ADGB: variants seen among roughly 807,000 people sequenced by gnomAD.
The protein encoded by ADGB is androglobin.
In ADGB, 172 loss-of-function variants were observed where a neutral mutation model predicts 210.5. The observed-to-expected ratio is 0.82, with a 90% CI of 0.72 to 0.93. The LOEUF is 0.93. Among genes scored for constraint, ADGB ranks in the 40% least tolerant of loss-of-function variants. The pLI, the probability that ADGB is intolerant of heterozygous loss-of-function variation, is 0.00. For synonymous variants in ADGB, 658 were observed against 662.7 expected (o/e 0.99, Z 0.11); for missense variants, 2,025 against 1,964.8 (o/e 1.03, Z -0.58).
chr6:146,814,899 T>A (rs548772737), intron 35 of ADGB, 133 bp from the exon 36 acceptor site: 3 of 820,792 alleles, frequency 3.7e-6, no homozygotes, highest in Non-Finnish European at 5.5e-6. Flanking sequence ...CATACACTAA[T>A]TTTCATCTTC....
At chr6:146,804,665 T>G (rs1015500100) in intron 35 of ADGB, among the ~76,000 whole-genome samples, 3 of 152,180 alleles carry the variant, frequency 2.0e-5, no homozygotes, top group African/African-American at 7.2e-5. Context: ...AACCTGTCAT[T>G]CTTTCTTATT....
At chr6:146,619,938 T>A (rs994919983) in intron 1 of ADGB, among the ~76,000 whole-genome samples, 4 of 152,116 alleles carry the variant, frequency 2.6e-5, no homozygotes, top group African/African-American at 9.7e-5. Context: ...AACTCTCTTT[T>A]GGTATTTCGT....
rs538982300 is a variant in ADGB at position 146,704,572 on chromosome 6, T to C, written c.1707+3502T>C. 2.6e-5 allele frequency among the ~76,000 whole-genome samples: 4 copies of C among 152,184 alleles called. No homozygotes were observed. The South Asian group carries it at 8.3e-4, about 32-fold the overall frequency. On this transcript the variant is annotated intron_variant, in intron 13 of 35. Transcript: ENST00000397944. Reference sequence around the variant, plus strand: ...CTGAAGAGACTCTCCTTTCTTCCATTGTGTGTTCTTGTCAATCTTTTTCGA... The same window carrying C: ...CTGAAGAGACTCTCCTTTCTTCCATCGTGTGTTCTTGTCAATCTTTTTCGA...
At chr6:146,644,078 G>A (rs1775567439) in intron 2 of ADGB, among the ~76,000 whole-genome samples, 2 of 151,768 alleles carry the variant, frequency 1.3e-5, no homozygotes, top group South Asian at 4.1e-4. Context: ...CATAGGTATG[G>A]CTATGAAAAA....
At position 146,727,198 on chromosome 6, in the gene ADGB, A is replaced by T. The variant is rs536286957; in HGVS notation, c.2352+1001A>T. 4.6e-5 allele frequency among the ~76,000 whole-genome samples: 7 copies of T among 151,718 alleles called. No homozygotes were observed. In the South Asian group the frequency reaches 1.5e-3, roughly 32 times the overall value. On this transcript the variant is annotated intron_variant, in intron 19 of 35. Transcript: ENST00000397944. ...CTACCAAAAAAAAAAAAAAATTCCA[A>T]ATAGCACAACCTTGTATTGATGGGA...
chr6:146,801,843 T>G lies in ADGB; in HGVS notation c.4650T>G (p.Asp1550Glu). 1 of 1,544,360 alleles carries G rather than the reference T, an allele frequency of 6.5e-7. No homozygotes were observed. Among genetic ancestry groups the G allele is most frequent in the Non-Finnish European group, 8.7e-7 (1 of 1,143,708 alleles). Residue 1550 changes from aspartate (D) to glutamate (E), a missense_variant, in exon 35 of 36, where the codon GAT (aspartate) becomes GAG (glutamate). Physicochemically the swap from Asp to Glu is conservative, Grantham distance 45 (BLOSUM62 2). Transcript: ENST00000397944. The stretch of plus-strand genomic sequence containing the variant: ...TTGTATCAAGGAAAACAGATACAGA[T>G]CCTCTGCTGCAAACAGATGAATTGA... ...LSQYVRKTDT[D>E]PLLQTDELNQ...
At chr6:146,614,223 T>TCCTC (rs150715826) in intron 1 of ADGB, among the ~76,000 whole-genome samples, 934 of 29,174 alleles carry the variant, frequency 0.032, 14 homozygotes, top group East Asian at 0.18. Context: ...CTTCCTCCCT[T>TCCTC]CCTTCCTTCC....
intron 35 of ADGB, among the ~76,000 whole-genome samples, chr6:146,805,360 A>G (rs1778195655): frequency 6.6e-6 from 1 of 152,206 alleles, no homozygotes; most frequent in African/African-American, 2.4e-5. Context: ...TCTGTTGTCT[A>G]AACCCAATTT....
At chr6:146,682,205 T>C (rs1776167475) in intron 9 of ADGB, among the ~76,000 whole-genome samples, 1 of 152,130 alleles carries the variant, frequency 6.6e-6, no homozygotes, top group Admixed American at 6.6e-5. Context: ...GTTCAGACAG[T>C]AAATGTCTAA....
At chr6:146,768,073 A>G (rs540249996) in intron 28 of ADGB, among the ~76,000 whole-genome samples, 1 of 152,350 alleles carries the variant, frequency 6.6e-6, no homozygotes, top group East Asian at 1.9e-4. Flanking sequence ...TAAAGGCTAC[A>G]GAAAGTAACC....
chr6:146,799,091 A>G (rs1281108728), intron 33 of ADGB, among the ~76,000 whole-genome samples: 1 of 150,798 alleles, frequency 6.6e-6, no homozygotes, highest in Admixed American at 6.6e-5. Context: ...AGAAAAGCCA[A>G]AATAATTTTG....
intron 1 of ADGB, among the ~76,000 whole-genome samples, chr6:146,629,294 G>T (rs76708171): frequency 6.6e-6 from 1 of 152,118 alleles, no homozygotes; most frequent in Non-Finnish European, 1.5e-5. Context: ...AGGAGTTTAC[G>T]TGGTCATTTG....
chr6:146,600,109 T>G (rs1309407404), intron 1 of ADGB, among the ~76,000 whole-genome samples: 1 of 152,196 alleles, frequency 6.6e-6, no homozygotes, highest in Non-Finnish European at 1.5e-5. Flanking sequence ...TGTCTGTGAA[T>G]CTCTAGTCCC....
intron 30 of ADGB, 90 bp downstream of exon 30, chr6:146,782,282 T>G: frequency 8.4e-7 from 1 of 1,194,990 alleles, no homozygotes; most frequent in Non-Finnish European, 1.1e-6. Flanking sequence ...GACAAAACCG[T>G]GAAACATTCT....
At chr6:146,628,833 ACAT>A (rs1274527279) in intron 1 of ADGB, among the ~76,000 whole-genome samples, 10 of 152,090 alleles carry the variant, frequency 6.6e-5, no homozygotes, top group Non-Finnish European at 1.2e-4. Flanking sequence ...ATCTCTGCAC[ACAT>A]CATTTCATAT....
intron 6 of ADGB, among the ~76,000 whole-genome samples, chr6:146,666,145 C>T (rs546290448): frequency 1.3e-4 from 20 of 152,080 alleles, no homozygotes; most frequent in African/African-American, 3.1e-4. Flanking sequence ...CTACCACTGA[C>T]GGATAGTCAG....
chr6:146,797,181 A>T (rs1486239984), intron 33 of ADGB, among the ~76,000 whole-genome samples: 1 of 152,156 alleles, frequency 6.6e-6, no homozygotes, highest in East Asian at 1.9e-4. Context: ...GGCCACAATC[A>T]AAAAAACAAA....
At chr6:146,626,307 C>G (rs1036622225) in intron 1 of ADGB, among the ~76,000 whole-genome samples, 4 of 151,944 alleles carry the variant, frequency 2.6e-5, no homozygotes, top group Non-Finnish European at 5.9e-5. Flanking sequence ...TACAAAGATA[C>G]TTTTAAATAA....
chr6:146,612,574 C>A (rs1444076373), intron 1 of ADGB, among the ~76,000 whole-genome samples: 1 of 152,124 alleles, frequency 6.6e-6, no homozygotes, highest in African/African-American at 2.4e-5. Flanking sequence ...CCCTGCCGTC[C>A]TCTAGTTGAG....
Sources: gnomAD v4.1 joint callset for allele counts (sites outside exome capture counted in the v4.1 genomes callset) on GRCh38, gnomAD v4.1.1 for gene constraint, MANE v1.5 for transcripts, NCBI Gene and HGNC (gene_info 2026-07-23, HGNC 2026-07-21) for gene names.